Variants in FOXA3 observed in about 807,000 individuals in gnomAD.
The protein encoded by FOXA3 is forkhead box A3, also known as hepatocyte nuclear factor 3-gamma.
A neutral mutation model predicts 16.9 loss-of-function variants in FOXA3; 11 were observed. That is an observed-to-expected ratio of 0.65 (90% CI 0.41 to 1.08). The LOEUF (loss-of-function observed/expected upper bound fraction) is 1.08. FOXA3 is among the 50% of genes least tolerant of loss of function. The pLI is 0.00. For synonymous variants in FOXA3, 217 were observed against 203.3 expected, an observed-to-expected ratio of 1.07 and a Z score of -0.57; for missense variants, 423 against 470.1, an observed-to-expected ratio of 0.90 and a Z score of 0.93.
rs760604416 is a variant in FOXA3, at chr19:45,872,736, C to A, written c.731C>A (p.Ala244Glu). The A allele has an allele frequency of 5.6e-6, 9 of 1,601,630 alleles. No individual in the cohort carries two copies. The highest frequency in any genetic ancestry group is 4.4e-5 in the South Asian group (4 of 90,188). ...TGSAASTTTPAATVTSPPQPP... is the reference protein window; with the variant it reads ...TGSAASTTTPEATVTSPPQPP... Reference sequence around the variant, plus strand: ...TCTGCTGCCTCGACCACCACCCCCGCGGCCACAGTCACCTCCCCGCCCCAG... The same window carrying A: ...TCTGCTGCCTCGACCACCACCCCCGAGGCCACAGTCACCTCCCCGCCCCAG... Residue 244 changes from alanine to glutamate, a missense_variant, in exon 2 of 2, where the codon GCG (alanine) becomes GAG (glutamate). By Grantham distance (107) the Ala-to-Glu change is moderately radical (BLOSUM62 -1). This residue lies in a region of FOXA3 where 168 missense variants were observed against 179.3 expected (regional missense o/e 0.94). Transcript: ENST00000302177. The surrounding 1 kb of genome is among the most constrained non-coding windows in gnomAD (Gnocchi z 4.5).
chr19:45,869,609 T>C (rs10416919), intron 1 of FOXA3, among the ~76,000 whole-genome samples: 1,768 of 152,274 alleles, frequency 0.012, 33 homozygotes, highest in African/African-American at 0.04. Context: ...GTCAACAGTG[T>C]CCTATGATTT....
At chr19:45,865,373 G>A (rs980100527) in intron 1 of FOXA3, among the ~76,000 whole-genome samples, 41 of 152,006 alleles carry the variant, frequency 2.7e-4, no homozygotes, top group African/African-American at 9.2e-4. Flanking sequence ...GGGGGGTGGC[G>A]GCATATTCTA....
chr19:45,868,577 TAAA>T (rs34586958), intron 1 of FOXA3, among the ~76,000 whole-genome samples: 117 of 116,576 alleles, frequency 1.0e-3, no homozygotes, highest in Middle Eastern at 9.4e-3. Flanking sequence ...GAGACTCTCT[TAAA>T]AAAAAAAAAA....
At chr19:45,871,962 G>A (rs1966908384) in intron 1 of FOXA3, 113 bp from the exon 2 acceptor site, 4 of 1,069,926 alleles carry the variant, frequency 3.7e-6, no homozygotes, top group Non-Finnish European at 5.5e-6. Flanking sequence ...TGATGGAAGG[G>A]ATTTGTAGAG....
intron 1 of FOXA3, among the ~76,000 whole-genome samples, chr19:45,867,003 C>A (rs1249470856): frequency 6.6e-6 from 1 of 152,176 alleles, no homozygotes; most frequent in East Asian, 1.9e-4. Flanking sequence ...CCCACCCTGT[C>A]AGGGGAGATC....
chr19:45,872,015 G>A lies in FOXA3; in HGVS notation c.70-60G>A, dbSNP rs1966908946. The A allele has an allele frequency of 6.5e-7, 1 of 1,547,092 alleles. No homozygotes were observed. The highest frequency in any genetic ancestry group is 1.4e-5 in the African/African-American group (1 of 72,814). On this transcript the variant is annotated intron_variant, in intron 1 of 1. Transcript: ENST00000302177. This position sits in a 1 kb window ranked among gnomAD's most constrained non-coding sequence, Gnocchi z 4.5. The stretch of plus-strand genomic sequence containing the variant: ...CAGACGGACACTCAGTGGGTCCTGG[G>A]ATCCTTTGCTGACCAGCAGAGTGGA...
At chr19:45,871,930 T>C (rs1399180909) in intron 1 of FOXA3, 145 bp from the exon 2 acceptor site, 4 of 803,780 alleles carry the variant, frequency 5.0e-6, no homozygotes, top group Non-Finnish European at 7.8e-6. Context: ...CTTGAGAGAC[T>C]GCTTTCTACA....
In FOXA3 at chr19:45,872,940, A is replaced by G. The variant is rs1226470507; in HGVS notation, c.935A>G (p.Glu312Gly). 6.2e-7 allele frequency: 1 copy of G among 1,613,960 alleles called. No homozygotes were observed. The highest frequency in any genetic ancestry group is 1.3e-5 in the African/African-American group (1 of 74,878). The change falls in exon 2 of 2, where the codon GAA (glutamate) becomes GGA (glycine). Residue 312 changes from glutamate to glycine, a missense_variant. By Grantham distance (98) the Glu-to-Gly change is moderately conservative. This residue lies in a region of FOXA3 where 168 missense variants were observed against 179.3 expected (regional missense o/e 0.94). Coordinates refer to ENST00000302177, the MANE Select transcript of FOXA3 (RefSeq NM_004497.3). The surrounding 1 kb of genome is among the most constrained non-coding windows in gnomAD (Gnocchi z 4.5). Reference sequence around the variant, plus strand: ...TTCTCCATCAACAACCTAATGTCAGAACAGACACCAGCACCTCCCAAACTG... The same window carrying G: ...TTCTCCATCAACAACCTAATGTCAGGACAGACACCAGCACCTCCCAAACTG... The part of the protein sequence containing the change: ...HPFSINNLMS[E>G]QTPAPPKLDV...
In FOXA3 at chr19:45,873,267, G is replaced by A; in HGVS notation, c.*209G>A. 1.4e-6 allele frequency: 1 copy of A among 726,400 alleles called. No individual in the cohort carries two copies. Among genetic ancestry groups the A allele is most frequent in the South Asian group, 1.9e-5 (1 of 53,556 alleles). 45.0% of individuals were successfully genotyped at this position (726,400 alleles called of 1,614,324 possible). A position where few individuals can be genotyped will look rare whatever the true frequency, so the allele number is the denominator to read the frequency against. ...CATGGATACATTTTGGTGGCCCACT[G>A]GGTACTGTGAGGACTGCTACATTGA... On this transcript the variant is annotated 3_prime_UTR_variant, in exon 2 of 2. Coordinates refer to ENST00000302177, the MANE Select transcript of FOXA3 (RefSeq NM_004497.3).
In FOXA3 at chr19:45,873,460, A is replaced by G. The variant is rs1420869503; in HGVS notation, c.*402A>G. On this transcript the variant is annotated 3_prime_UTR_variant, in exon 2 of 2. Transcript: ENST00000302177. Reference sequence around the variant, plus strand: ...TGGCACAGTAGGTGCCAAGTTGGCCACCATTCTGTGTAACACCTTTTTTGG... The same window carrying G: ...TGGCACAGTAGGTGCCAAGTTGGCCGCCATTCTGTGTAACACCTTTTTTGG... 3 of 249,434 alleles carry G rather than the reference A, an allele frequency of 1.2e-5. No homozygotes were observed. Among genetic ancestry groups the G allele is most frequent in the African/African-American group, 2.2e-5 (1 of 44,932 alleles). 15.5% of individuals were successfully genotyped at this position (249,434 alleles called of 1,614,324 possible). A position where few individuals can be genotyped will look rare whatever the true frequency, so the allele number is the denominator to read the frequency against.
rs894305565 is a variant in FOXA3, at chr19:45,873,415, C to T, written c.*357C>T. Reference sequence around the variant, plus strand: ...GGCCCCCCCCATTAGGTGCTGTGCCCACTTCTTTTTTGGTGTACTTGGCAC... The same window carrying T: ...GGCCCCCCCCATTAGGTGCTGTGCCTACTTCTTTTTTGGTGTACTTGGCAC... On this transcript the variant is annotated 3_prime_UTR_variant, in exon 2 of 2. Transcript: ENST00000302177. 4 of 322,378 alleles carry T rather than the reference C, an allele frequency of 1.2e-5. No individual in the cohort carries two copies. The highest frequency in any genetic ancestry group is 8.5e-5 in the African/African-American group (4 of 47,172). The allele number at this position is 322,378 out of a possible 1,614,324, so 20.0% of individuals were successfully genotyped here. A position where few individuals can be genotyped will look rare whatever the true frequency, so the allele number is the denominator to read the frequency against.
Position 45,872,403 on chromosome 19 carries a change from C to T in FOXA3, c.398C>T (p.Ala133Val), listed in dbSNP as rs753914826. Residue 133 changes from alanine to valine, a missense_variant, in exon 2 of 2, where the codon GCG becomes GTG. By Grantham distance (64) the Ala-to-Val change is moderately conservative (BLOSUM62 0). Around this residue, in one of 3 missense-constraint regions of FOXA3, gnomAD observed 85 missense variants for 136.9 expected, o/e 0.62. Transcript: ENST00000302177. The surrounding 1 kb of genome is among the most constrained non-coding windows in gnomAD (Gnocchi z 4.5). ...ISLITMAIQQ[A>V]PGKMLTLSEI... ...CTCATCACCATGGCCATCCAGCAGGCGCCGGGCAAGATGCTGACCTTGAGT... is the reference window on the plus strand; with the variant it reads ...CTCATCACCATGGCCATCCAGCAGGTGCCGGGCAAGATGCTGACCTTGAGT... 1.9e-6 allele frequency: 3 copies of T among 1,614,224 alleles called. No homozygotes were observed. The highest frequency in any genetic ancestry group is 2.5e-6 in the Non-Finnish European group (3 of 1,180,032).
At chr19:45,870,462 C>A (rs888181793) in intron 1 of FOXA3, among the ~76,000 whole-genome samples, 1 of 151,856 alleles carries the variant, frequency 6.6e-6, no homozygotes, top group Admixed American at 6.6e-5. Context: ...TGTGAGCCAC[C>A]GTGCCCGGCC....
At chr19:45,868,309 GT>G (rs1263412917) in intron 1 of FOXA3, among the ~76,000 whole-genome samples, 1 of 152,104 alleles carries the variant, frequency 6.6e-6, no homozygotes, top group Non-Finnish European at 1.5e-5. Flanking sequence ...GCCAGACATG[GT>G]GGCTCATGGC....
chr19:45,872,300 C>T lies in FOXA3; in HGVS notation c.295C>T (p.Leu99=). The T allele has an allele frequency of 5.0e-6, 8 of 1,613,970 alleles. No individual in the cohort carries two copies. The highest frequency in any genetic ancestry group is 6.8e-6 in the Non-Finnish European group (8 of 1,179,860). Residue 99 remains leucine, a synonymous_variant, in exon 2 of 2, where the codon CTG becomes TTG. Transcript: ENST00000302177. The surrounding 1 kb of genome is among the most constrained non-coding windows in gnomAD (Gnocchi z 4.5). ...CGGGTACGGGGCCCCGGGTCCTGGG[C>T]TGGTGCACGGGAAGGAGATGCCGAA... ...SSGYGAPGPG[L]VHGKEMPKGY...
chr19:45,868,018 G>A (rs1445989896), intron 1 of FOXA3, among the ~76,000 whole-genome samples: 7 of 151,184 alleles, frequency 4.6e-5, no homozygotes, highest in Non-Finnish European at 1.0e-4. Flanking sequence ...GGTGGAGACA[G>A]AAGGGAAAAC....
chr19:45,872,553 A>G lies in FOXA3; in HGVS notation c.548A>G (p.Asp183Gly). Reference protein sequence around the residue: ...DCFVKVARSPDKPGKGSYWAL... With the variant: ...DCFVKVARSPGKPGKGSYWAL... ...TTCGTCAAGGTGGCGCGTTCCCCAG[A>G]CAAGCCTGGCAAGGGCTCCTACTGG... The change falls in exon 2 of 2, where the codon GAC (aspartate) becomes GGC (glycine). Residue 183 changes from aspartate (D) to glycine (G), a missense_variant. By Grantham distance (94) the Asp-to-Gly change is moderately conservative. Around this residue, in one of 3 missense-constraint regions of FOXA3, gnomAD observed 85 missense variants for 136.9 expected, o/e 0.62. Coordinates refer to ENST00000302177, the MANE Select transcript of FOXA3 (RefSeq NM_004497.3). The surrounding 1 kb of genome is among the most constrained non-coding windows in gnomAD (Gnocchi z 4.5). The G allele has an allele frequency of 6.2e-7, 1 of 1,614,132 alleles. No homozygotes were observed. Among genetic ancestry groups the G allele is most frequent in the East Asian group, 2.2e-5 (1 of 44,884 alleles).
chr19:45,872,576 T>C lies in FOXA3; in HGVS notation c.571T>C (p.Trp191Arg). 2 of 1,614,172 alleles carry C rather than the reference T, an allele frequency of 1.2e-6. No individual in the cohort carries two copies. The highest frequency in any genetic ancestry group is 1.7e-6 in the Non-Finnish European group (2 of 1,180,020). ...AGACAAGCCTGGCAAGGGCTCCTACTGGGCCCTACACCCCAGCTCAGGGAA... is the reference window on the plus strand; with the variant it reads ...AGACAAGCCTGGCAAGGGCTCCTACCGGGCCCTACACCCCAGCTCAGGGAA... ...SPDKPGKGSYWALHPSSGNMF... is the reference protein window; with the variant it reads ...SPDKPGKGSYRALHPSSGNMF... Residue 191 changes from tryptophan (W) to arginine (R), a missense_variant, in exon 2 of 2, where the codon TGG (tryptophan) becomes CGG (arginine). Trp to Arg is a moderately radical substitution (Grantham distance 101). Around this residue, in one of 3 missense-constraint regions of FOXA3, gnomAD observed 85 missense variants for 136.9 expected, o/e 0.62. Coordinates refer to ENST00000302177, the MANE Select transcript of FOXA3 (RefSeq NM_004497.3). This position sits in a 1 kb window ranked among gnomAD's most constrained non-coding sequence, Gnocchi z 4.5.
chr19:45,870,011 C>A lies in FOXA3; in HGVS notation c.70-2064C>A, dbSNP rs60308940. ...ATGTTGGCCAGGCTGGTCTCGAACT[C>A]CTGACCTCAAGTGATCCACCTGCCT... is the stretch of plus-strand genomic sequence containing the variant. On this transcript the variant is annotated intron_variant, in intron 1 of 1. Coordinates refer to ENST00000302177, the MANE Select transcript of FOXA3 (RefSeq NM_004497.3). Among the ~76,000 whole-genome samples the A allele has an allele frequency of 6.9e-3, 1,051 of 151,902 alleles. 16 individuals carry two copies. The highest frequency in any genetic ancestry group is 0.024 in the African/African-American group (996 of 41,388).
Sources: allele counts gnomAD v4.1 joint callset (sites outside exome capture counted in the v4.1 genomes callset), GRCh38; gene constraint gnomAD v4.1.1; regional missense constraint gnomAD v4.1.1; non-coding constraint Gnocchi (gnomAD v3.1); transcripts MANE v1.5; gene names NCBI Gene and HGNC (gene_info 2026-07-23, HGNC 2026-07-21).